Variants in RSPO2 observed in about 807,000 individuals in gnomAD.
RSPO2 encodes the protein R-spondin 2.
In RSPO2, 14 loss-of-function variants were observed where a neutral mutation model predicts 30.9. That is an observed-to-expected ratio of 0.45 (90% CI 0.30 to 0.71). The LOEUF (loss-of-function observed/expected upper bound fraction) is 0.71. RSPO2 is among the 30% of genes least tolerant of loss of function. The pLI is 0.08. For synonymous variants in RSPO2, 107 were observed against 96.4 expected, an observed-to-expected ratio of 1.11 and a Z score of -0.64; for missense variants, 264 against 301.9, an observed-to-expected ratio of 0.87 and a Z score of 0.93.
chr8:107,903,262 G>A (rs748370593), intron 5 of RSPO2, among the ~76,000 whole-genome samples: 2 of 151,970 alleles, frequency 1.3e-5, no homozygotes, highest in African/African-American at 2.4e-5. Flanking sequence ...GAAATTAAGT[G>A]AATGGAAAAA....
chr8:107,913,469 T>C (rs1166800901), intron 5 of RSPO2, among the ~76,000 whole-genome samples: 2 of 152,166 alleles, frequency 1.3e-5, no homozygotes, highest in African/African-American at 2.4e-5. Context: ...CAAAATAGTC[T>C]CTATCCACAA....
chr8:107,978,552 T>C (rs1041378000), intron 3 of RSPO2, among the ~76,000 whole-genome samples: 24 of 152,302 alleles, frequency 1.6e-4, no homozygotes, highest in Admixed American at 1.2e-3. Flanking sequence ...AAGACTTACA[T>C]GTTAGACCTA....
At chr8:107,924,059 A>G (rs1586546985) in intron 5 of RSPO2, among the ~76,000 whole-genome samples, 1 of 151,570 alleles carries the variant, frequency 6.6e-6, no homozygotes, top group South Asian at 2.1e-4. Context: ...TTACCCATAT[A>G]ACAAAGTTGC....
intron 2 of RSPO2, among the ~76,000 whole-genome samples, chr8:108,040,228 A>T (rs1309966633): frequency 6.6e-6 from 1 of 152,182 alleles, no homozygotes; most frequent in African/African-American, 2.4e-5. Flanking sequence ...CTCGAAAAGC[A>T]ACCAACCAGA....
chr8:107,976,183 A>G (rs1339016387), intron 3 of RSPO2, among the ~76,000 whole-genome samples: 2 of 152,244 alleles, frequency 1.3e-5, no homozygotes, highest in African/African-American at 4.8e-5. Flanking sequence ...ACCCTCTGCC[A>G]AAGGGGAAAA....
chr8:107,987,781 T>C (rs1454648901), intron 3 of RSPO2, among the ~76,000 whole-genome samples: 1 of 152,174 alleles, frequency 6.6e-6, no homozygotes, highest in Non-Finnish European at 1.5e-5. Context: ...CCTTCCAAAA[T>C]AATATTGTCC....
intron 5 of RSPO2, among the ~76,000 whole-genome samples, chr8:107,918,978 T>C (rs1174311629): frequency 6.6e-6 from 1 of 152,162 alleles, no homozygotes; most frequent in African/African-American, 2.4e-5. Flanking sequence ...TGTTTTCAAA[T>C]ATTTACTTTT....
At chr8:107,983,524 G>A in intron 3 of RSPO2, 10 of 1,601,028 alleles carry the variant, frequency 6.2e-6, no homozygotes, top group Admixed American at 1.7e-5. Flanking sequence ...CTTTGACAGG[G>A]ATCCAGACAC....
chr8:107,973,561 C>G (rs1197112766), intron 3 of RSPO2, among the ~76,000 whole-genome samples: 2 of 132,700 alleles, frequency 1.5e-5, no homozygotes, highest in African/African-American at 5.6e-5. Context: ...CACACACACA[C>G]AGAACAAGCA....
intron 2 of RSPO2, among the ~76,000 whole-genome samples, chr8:107,999,384 C>A (rs1815150007): frequency 6.6e-6 from 1 of 151,758 alleles, no homozygotes; most frequent in African/African-American, 2.4e-5. Context: ...TTGGCTTCTC[C>A]TATTAAAATA....
chr8:107,989,293 T>G, intron 2 of RSPO2, 49 bp from the exon 3 acceptor site: 1 of 1,254,436 alleles, frequency 8.0e-7, no homozygotes, highest in Non-Finnish European at 1.1e-6. Context: ...ATAATCAGAT[T>G]TTTGGTAAAT....
rs1385743094 is a variant in RSPO2 at position 107,960,883 on chromosome 8, AAATTTTT to A, written c.284-73_284-67del. 5 of 1,263,746 alleles carry A rather than the reference AAATTTTT, an allele frequency of 4.0e-6. No individual in the cohort carries two copies. The African/African-American group carries it at 7.6e-5, about 19-fold the overall frequency. The allele number at this position is 1,263,746 out of a possible 1,614,324, so 78.3% of individuals were successfully genotyped here. On this transcript the variant is annotated intron_variant, in intron 3 of 5. Transcript: ENST00000276659. Reference sequence around the variant, plus strand: ...AAGAAATTTACTTGTTTTACAAATAAAATTTTTGTAAACTCACAAGTTAGCCCATTTG... The same window carrying A: ...AAGAAATTTACTTGTTTTACAAATAAGTAAACTCACAAGTTAGCCCATTTG...
chr8:108,017,835 T>C (rs1437249012), intron 2 of RSPO2, among the ~76,000 whole-genome samples: 1 of 152,210 alleles, frequency 6.6e-6, no homozygotes, highest in African/African-American at 2.4e-5. Context: ...AAGATTCAAT[T>C]ACATGGAACC....
At chr8:108,077,691 G>A (rs1301089085) in intron 2 of RSPO2, among the ~76,000 whole-genome samples, 1 of 151,944 alleles carries the variant, frequency 6.6e-6, no homozygotes, top group Non-Finnish European at 1.5e-5. Context: ...TATACATTAT[G>A]TATACACTTT....
intron 5 of RSPO2, among the ~76,000 whole-genome samples, chr8:107,904,029 CA>C (rs34510425): frequency 0.37 from 55,751 of 151,816 alleles, 11,779 homozygotes; most frequent in East Asian, 0.64. Context: ...CTAAGATTTT[CA>C]AACATGAGAA....
intron 2 of RSPO2, among the ~76,000 whole-genome samples, chr8:108,003,121 G>A (rs184890856): frequency 2.1e-4 from 31 of 145,444 alleles, no homozygotes; most frequent in African/African-American, 5.3e-4. Flanking sequence ...GTGTGATCTC[G>A]GCTCACCACA....
chr8:108,022,933 C>CAAA (rs71562170), intron 2 of RSPO2, among the ~76,000 whole-genome samples: 3 of 130,390 alleles, frequency 2.3e-5, no homozygotes, highest in Admixed American at 7.7e-5. Flanking sequence ...AAAAAAAAAA[C>CAAA]AAAAAAAAAA....
intron 2 of RSPO2, among the ~76,000 whole-genome samples, chr8:107,990,102 A>T (rs1257263800): frequency 2.0e-5 from 3 of 152,228 alleles, no homozygotes; most frequent in African/African-American, 4.8e-5. Flanking sequence ...GGGAAAAAGC[A>T]AGAATGTGCA....
chr8:108,063,295 C>A (rs1022470677), intron 2 of RSPO2, among the ~76,000 whole-genome samples: 2 of 151,658 alleles, frequency 1.3e-5, no homozygotes, highest in African/African-American at 4.9e-5. Context: ...TCTTCTCAGC[C>A]CAAAATCTCC....
Sources: gnomAD v4.1 joint callset for allele counts (sites outside exome capture counted in the v4.1 genomes callset) on GRCh38, gnomAD v4.1.1 for gene constraint, MANE v1.5 for transcripts, NCBI Gene and HGNC (gene_info 2026-07-23, HGNC 2026-07-21) for gene names.